CPM: variants seen among roughly 807,000 people sequenced by gnomAD.
CPM encodes the protein carboxypeptidase M, also known as renal carboxypeptidase.
Under a neutral mutation model 46.4 loss-of-function variants are expected in CPM, and 35 were observed. The ratio of observed to expected loss-of-function variants is 0.75; its 90% confidence interval spans 0.58 to 1.00. CPM has a LOEUF of 1.00. Among genes scored for constraint, CPM ranks in the 50% least tolerant of loss-of-function variants. The probability of loss-of-function intolerance (pLI) is 0.00; values close to 1 mark genes in which losing one functional copy is unlikely to be tolerated. For missense variants in CPM, 422 were observed against 530.4 expected (o/e 0.80, Z 2.01); for synonymous variants, 195 against 195.3 (o/e 1.00, Z 0.01).
At chr12:68,870,173 C>A in intron 5 of CPM, 42 bp downstream of exon 5, 1 of 1,583,338 alleles carries the variant, frequency 6.3e-7, no homozygotes, top group Non-Finnish European at 8.6e-7. Flanking sequence ...TTCAGCCCCA[C>A]TCTGGACTTA....
In CPM at chr12:68,869,474, C is replaced by T. The variant is rs750829225; in HGVS notation, c.638G>A (p.Arg213Gln). ...AACATCATCATCAGGCGTTAAGCTT[C>T]GGGAGTATAATGCCCCAGTTGCTGC... The part of the protein sequence containing the change: ...GVQATGALYS[R>Q]SLTPDDDVFQ... Residue 213 changes from arginine (R) to glutamine (Q), a missense_variant, in exon 6 of 9, where the codon CGA becomes CAA. Coordinates refer to ENST00000551568, the MANE Select transcript of CPM (RefSeq NM_198320.5). 40 of 1,610,368 alleles carry T rather than the reference C, an allele frequency of 2.5e-5. No individual in the cohort carries two copies. The highest frequency in any genetic ancestry group is 3.2e-5 in the Non-Finnish European group (38 of 1,177,866).
chr12:68,942,890 A>G (rs1888786516), intron 1 of CPM, among the ~76,000 whole-genome samples: 1 of 152,204 alleles, frequency 6.6e-6, no homozygotes, highest in Non-Finnish European at 1.5e-5. Context: ...TTGACACTCC[A>G]GTATGCCCTA....
chr12:68,891,706 A>G (rs944278868), intron 2 of CPM, among the ~76,000 whole-genome samples: 1 of 152,020 alleles, frequency 6.6e-6, no homozygotes, highest in Non-Finnish European at 1.5e-5. Flanking sequence ...GGGGTTGGGG[A>G]GCAGTAATCT....
chr12:68,876,893 C>CGTGTGT (rs59366545), intron 3 of CPM, among the ~76,000 whole-genome samples: 1 of 148,250 alleles, frequency 6.7e-6, no homozygotes, highest in Non-Finnish European at 1.5e-5. Context: ...CACGCGCATG[C>CGTGTGT]GTGTGTGTGT....
At chr12:68,901,091 C>T (rs1887092745) in intron 2 of CPM, among the ~76,000 whole-genome samples, 1 of 152,138 alleles carries the variant, frequency 6.6e-6, no homozygotes, top group South Asian at 2.1e-4. Flanking sequence ...CTGTACCTTC[C>T]TCTCAATTTT....
intron 1 of CPM, among the ~76,000 whole-genome samples, chr12:68,962,091 T>G (rs1189657954): frequency 6.6e-6 from 1 of 151,406 alleles, no homozygotes; most frequent in Non-Finnish European, 1.5e-5. Flanking sequence ...TCTCAGCTAC[T>G]CAGGAGGCTG....
At chr12:68,910,207 T>C (rs1175688301) in intron 2 of CPM, among the ~76,000 whole-genome samples, 1 of 152,120 alleles carries the variant, frequency 6.6e-6, no homozygotes, top group Non-Finnish European at 1.5e-5. Flanking sequence ...CTCATCAATA[T>C]GGAAATGACT....
intron 2 of CPM, among the ~76,000 whole-genome samples, chr12:68,930,334 G>A (rs190351841): frequency 4.7e-4 from 72 of 152,290 alleles, no homozygotes; most frequent in Non-Finnish European, 8.2e-4. Flanking sequence ...CTCCCGCCTC[G>A]GCCTCCCAAG....
upstream of CPM, among the ~76,000 whole-genome samples, chr12:68,933,384 G>A (rs1006438185): frequency 5.9e-5 from 9 of 152,078 alleles, no homozygotes; most frequent in Admixed American, 3.3e-4. Context: ...GGCTGAGCTG[G>A]GCGGAGGGCT....
intron 1 of CPM, among the ~76,000 whole-genome samples, chr12:68,942,316 T>C (rs1888778204): frequency 6.6e-6 from 1 of 152,194 alleles, no homozygotes; most frequent in Non-Finnish European, 1.5e-5. Flanking sequence ...TGTATACACA[T>C]TTGTGTTCGT....
Position 68,856,547 on chromosome 12 carries a change from G to T in CPM, c.1222C>A (p.Pro408Thr), listed in dbSNP as rs771269967. The change falls in exon 9 of 9, where the codon CCT becomes ACT. Residue 408 changes from proline to threonine, a missense_variant. Physicochemically the swap from Pro to Thr is conservative, Grantham distance 38. Transcript: ENST00000551568. ...TATAGAGGAATCATTGGGCATGAAG[G>T]ATTTGATACTGGGATAGAATCCAAT... ...GQLDSIPVSNPSCPMIPLYRN... is the reference protein window; with the variant it reads ...GQLDSIPVSNTSCPMIPLYRN... 9 of 1,614,134 alleles carry T rather than the reference G, an allele frequency of 5.6e-6. No homozygotes were observed. In the East Asian group the frequency reaches 2.0e-4, roughly 36 times the overall value.
intron 4 of CPM, among the ~76,000 whole-genome samples, chr12:68,871,112 G>A (rs946447274): frequency 6.6e-6 from 1 of 152,148 alleles, no homozygotes; most frequent in Non-Finnish European, 1.5e-5. Context: ...AACCTCCCAA[G>A]GCAGCTTGAA....
intron 1 of CPM, among the ~76,000 whole-genome samples, chr12:68,961,158 A>AT (rs924685997): frequency 1.3e-5 from 2 of 151,688 alleles, no homozygotes; most frequent in African/African-American, 4.8e-5. Context: ...TCTTAAAAAA[A>AT]TTTTTTTTTG....
chr12:68,894,352 T>C (rs1886780438), intron 2 of CPM, among the ~76,000 whole-genome samples: 1 of 152,126 alleles, frequency 6.6e-6, no homozygotes, highest in South Asian at 2.1e-4. Context: ...TTTCAAAAAT[T>C]ATTGGTGTAT....
rs1245626061 is a variant in CPM, at chr12:68,855,733, GTTTGTT to G, written c.*698_*703del. 1.4e-5 allele frequency: 2 copies of G among 145,952 alleles called. No individual in the cohort carries two copies. The highest frequency in any genetic ancestry group is 2.1e-4 in the South Asian group (1 of 4,652). 9.0% of individuals were successfully genotyped at this position (145,952 alleles called of 1,614,324 possible). A position where few individuals can be genotyped will look rare whatever the true frequency, so the allele number is the denominator to read the frequency against. ...TCATGGTGAGGTGTTTTTTTTGTTT[GTTTGTT>G]TTTGTTTTTTTTTTTTTGAGACAGA... On this transcript the variant is annotated 3_prime_UTR_variant, in exon 9 of 9. Coordinates refer to ENST00000551568, the MANE Select transcript of CPM (RefSeq NM_198320.5).
intron 5 of CPM, chr12:68,845,124 A>C (rs986302158): frequency 4.5e-6 from 1 of 222,978 alleles, no homozygotes; most frequent in African/African-American, 2.2e-5. Flanking sequence ...GATGGTAACC[A>C]CAAGTTGTTA....
chr12:68,908,126 G>A (rs969394521), intron 2 of CPM, among the ~76,000 whole-genome samples: 1 of 152,116 alleles, frequency 6.6e-6, no homozygotes, highest in African/African-American at 2.4e-5. Flanking sequence ...ACACCGGCTT[G>A]GGTTATTTTT....
chr12:68,945,004 A>G (rs1013331717), intron 1 of CPM, among the ~76,000 whole-genome samples: 3 of 152,144 alleles, frequency 2.0e-5, no homozygotes, highest in Admixed American at 1.3e-4. Flanking sequence ...GAATACAAAA[A>G]TCTGAAAAAC....
In CPM at chr12:68,959,145, T is replaced by C. The variant is rs187606899; in HGVS notation, c.-4+4024A>G. Among the ~76,000 whole-genome samples the C allele has an allele frequency of 1.6e-4, 25 of 152,320 alleles. No homozygotes were observed. The East Asian group carries it at 4.6e-3, about 28-fold the overall frequency. On this transcript the variant is annotated intron_variant, in intron 1 of 8. Transcript: ENST00000546373. ...TATACATTCCTGCCACCTCAGAATGTGAATGCCATGAGAATAGGGTCCTGG... is the reference window on the plus strand; with the variant it reads ...TATACATTCCTGCCACCTCAGAATGCGAATGCCATGAGAATAGGGTCCTGG...
Sources: gnomAD v4.1 joint callset for allele counts (sites outside exome capture counted in the v4.1 genomes callset) on GRCh38, gnomAD v4.1.1 for gene constraint, MANE v1.5 for transcripts, NCBI Gene and HGNC (gene_info 2026-07-23, HGNC 2026-07-21) for gene names.